The following PSMC3 variants were observed in gnomAD, a reference collection of about 807,000 sequenced individuals.
PSMC3 encodes proteasome 26S subunit, ATPase 3.
In PSMC3, 11 loss-of-function variants were observed where a neutral mutation model predicts 52.0. The ratio of observed to expected loss-of-function variants is 0.21; its 90% CI spans 0.13 to 0.35. The LOEUF (loss-of-function observed/expected upper bound fraction) is 0.35, where lower values mean the gene tolerates loss of function less well. Ranked by LOEUF, PSMC3 falls within the 10% of genes least tolerant of loss-of-function variation. PSMC3 has a pLI of 1.00. For missense variants in PSMC3, 238 were observed against 567.1 expected (o/e 0.42, Z 5.89); for synonymous variants, 201 against 218.8 (o/e 0.92, Z 0.72).
intron 6 of PSMC3, 68 bp downstream of exon 6, chr11:47,423,978 G>C: frequency 1.9e-6 from 3 of 1,605,048 alleles, no homozygotes; most frequent in Non-Finnish European, 2.6e-6. Flanking sequence ...AGGGAGATGA[G>C]CTGCATCAAT....
intron 2 of PSMC3, chr11:47,425,615 G>A: frequency 1.8e-6 from 1 of 548,798 alleles, no homozygotes; most frequent in East Asian, 2.9e-5. Context: ...TTCTTGAGAG[G>A]ATTATTCCCA....
At chr11:47,425,345 C>A in intron 2 of PSMC3, 99 bp from the exon 3 acceptor site, 1 of 1,405,594 alleles carries the variant, frequency 7.1e-7, no homozygotes, top group African/African-American at 1.4e-5. Context: ...GGGACCCTCC[C>A]GCATCCATTC....
chr11:47,424,215 G>C lies in PSMC3; in HGVS notation c.454-32C>G. 1.2e-6 allele frequency: 2 copies of C among 1,614,136 alleles called. No homozygotes were observed. The highest frequency in any genetic ancestry group is 3.3e-5 in the Admixed American group (2 of 60,024). ...ACACAGCACAGGGCCTTCAGATTTG[G>C]CCCAGCTCAAGGGCTACCCAACTGA... On this transcript the variant is annotated intron_variant, in intron 5 of 11. Transcript: ENST00000298852. This position sits in a 1 kb window ranked among gnomAD's most constrained non-coding sequence, Gnocchi z 4.8.
At chr11:47,420,470 C>G (rs2096039187) in intron 9 of PSMC3, 61 bp from the exon 10 acceptor site, 1 of 1,573,426 alleles carries the variant, frequency 6.4e-7, no homozygotes. Flanking sequence ...CAGACACGGT[C>G]AAAAAAGGCA....
Position 47,422,937 on chromosome 11 carries a change from C to T in PSMC3, c.628G>A (p.Glu210Lys). 6.2e-7 allele frequency: 1 copy of T among 1,613,658 alleles called. No homozygotes were observed. Among genetic ancestry groups the T allele is most frequent in the Non-Finnish European group, 8.5e-7 (1 of 1,179,774 alleles). ...EAIVLPMNHKEKFENLGIQPP... is the reference protein window; with the variant it reads ...EAIVLPMNHKKKFENLGIQPP... ...TGGATCCCCAAGTTCTCAAACTTCTCCTTGTGGTTCATTGGCAAGACAATG... is the reference window on the plus strand; with the variant it reads ...TGGATCCCCAAGTTCTCAAACTTCTTCTTGTGGTTCATTGGCAAGACAATG... The change falls in exon 7 of 12, where the codon GAG becomes AAG. Residue 210 changes from glutamate to lysine, a missense_variant. Glu to Lys is a moderately conservative substitution (Grantham distance 56). Coordinates refer to ENST00000298852, the MANE Select transcript of PSMC3 (RefSeq NM_002804.5). This position sits in a 1 kb window ranked among gnomAD's most constrained non-coding sequence, Gnocchi z 4.3.
chr11:47,421,016 G>GGGA (rs2096039800), intron 8 of PSMC3, among the ~76,000 whole-genome samples: 1 of 152,066 alleles, frequency 6.6e-6, no homozygotes, highest in Non-Finnish European at 1.5e-5. Flanking sequence ...AGGCCAAGGT[G>GGGA]GGCCTATCAC....
Position 47,425,264 on chromosome 11 carries a change from G to T in PSMC3, c.160-18C>A. ...TTCATGATCTGAGATCAGGAGGGGA[G>T]GAGAAGCAAATATAAACCCTGGCAC... On this transcript the variant is annotated intron_variant, in intron 2 of 11. Transcript: ENST00000298852. 6.2e-7 allele frequency: 1 copy of T among 1,613,824 alleles called. No homozygotes were observed. Among genetic ancestry groups the T allele is most frequent in the Admixed American group, 1.7e-5 (1 of 60,016 alleles).
chr11:47,423,449 C>G (rs1345368034), intron 6 of PSMC3, among the ~76,000 whole-genome samples: 1 of 151,556 alleles, frequency 6.6e-6, no homozygotes, highest in Non-Finnish European at 1.5e-5. Context: ...CCCACCCAGG[C>G]TGGCTATGGA....
Position 47,426,414 on chromosome 11 carries a change from C to T in PSMC3, c.-135G>A, listed in dbSNP as rs1004521447. The T allele has an allele frequency of 2.7e-5, 20 of 732,814 alleles. No individual in the cohort carries two copies. Among genetic ancestry groups the T allele is most frequent in the Admixed American group, 7.1e-5 (2 of 28,312 alleles). 45.4% of individuals were successfully genotyped at this position (732,814 alleles called of 1,614,324 possible). Reference sequence around the variant, plus strand: ...TCCCGACTCTTGACCCGACCAGCTCCGGCCGTGCTGCGGAGCAGCGAATCT... The same window carrying T: ...TCCCGACTCTTGACCCGACCAGCTCTGGCCGTGCTGCGGAGCAGCGAATCT... On this transcript the variant is annotated 5_prime_UTR_variant, in exon 1 of 12. Transcript: ENST00000298852.
At chr11:47,426,127 A>AGG in intron 1 of PSMC3, 78 bp downstream of exon 1, 1 of 1,495,064 alleles carries the variant, frequency 6.7e-7, no homozygotes, top group Non-Finnish European at 9.1e-7. Flanking sequence ...CTTGACCCCC[A>AGG]GCCACCTCCT....
In PSMC3 at chr11:47,424,001, C is replaced by T. The variant is rs750692785; in HGVS notation, c.591+45G>A. 4 of 1,613,736 alleles carry T rather than the reference C, an allele frequency of 2.5e-6. No individual in the cohort carries two copies. Among genetic ancestry groups the T allele is most frequent in the East Asian group, 2.2e-5 (1 of 44,878 alleles). On this transcript the variant is annotated intron_variant, in intron 6 of 11. Coordinates refer to ENST00000298852, the MANE Select transcript of PSMC3 (RefSeq NM_002804.5). This position sits in a 1 kb window ranked among gnomAD's most constrained non-coding sequence, Gnocchi z 4.8. Reference sequence around the variant, plus strand: ...GAGCTGCATCAATGGCGTGGAGAAACTAAAAGGCTGACAAGGCTGCTGGCA... The same window carrying T: ...GAGCTGCATCAATGGCGTGGAGAAATTAAAAGGCTGACAAGGCTGCTGGCA...
chr11:47,423,020 C>T, intron 6 of PSMC3, 47 bp from the exon 7 acceptor site: 1 of 1,553,534 alleles, frequency 6.4e-7, no homozygotes, highest in South Asian at 1.2e-5. Context: ...CTGAGGGCTT[C>T]TACAGCCCAA....
Position 47,424,497 on chromosome 11 carries a change from G to A in PSMC3, c.391-6C>T. On this transcript the variant is annotated splice_polypyrimidine_tract_variant and splice_region_variant and intron_variant, in intron 4 of 11. Coordinates refer to ENST00000298852, the MANE Select transcript of PSMC3 (RefSeq NM_002804.5). This position sits in a 1 kb window ranked among gnomAD's most constrained non-coding sequence, Gnocchi z 4.8. ...ATCACAGGAAGGAAGTACGTCTGTG[G>A]ACAAGTTACAGGGGCAGTCTCAGTT... 3 of 1,614,108 alleles carry A rather than the reference G, an allele frequency of 1.9e-6. No homozygotes were observed. The highest frequency in any genetic ancestry group is 2.5e-6 in the Non-Finnish European group (3 of 1,179,968).
chr11:47,426,388 A>C lies in PSMC3; in HGVS notation c.-109T>G. Reference sequence around the variant, plus strand: ...ACCAGTGGAAAACCTCTCCCCACAAATCCCGACTCTTGACCCGACCAGCTC... The same window carrying C: ...ACCAGTGGAAAACCTCTCCCCACAACTCCCGACTCTTGACCCGACCAGCTC... On this transcript the variant is annotated 5_prime_UTR_variant, in exon 1 of 12. Transcript: ENST00000298852. 3.9e-6 allele frequency: 4 copies of C among 1,028,040 alleles called. No individual in the cohort carries two copies. The highest frequency in any genetic ancestry group is 2.8e-5 in the Admixed American group (1 of 35,450). The allele number at this position is 1,028,040 out of a possible 1,614,324, so 63.7% of individuals were successfully genotyped here.
Position 47,418,964 on chromosome 11 carries a change from G to A in PSMC3, c.1210-19C>T, listed in dbSNP as rs374326380. 2.0e-5 allele frequency: 33 copies of A among 1,613,434 alleles called. No individual in the cohort carries two copies. The African/African-American group carries it at 4.4e-4, about 22-fold the overall frequency. On this transcript the variant is annotated intron_variant, in intron 11 of 11. Coordinates refer to ENST00000298852, the MANE Select transcript of PSMC3 (RefSeq NM_002804.5). ...TCATGCCCTACAGCCGGGACAAACAGAGTCTAGGTCTGAACGCCTGAATGC... is the reference window on the plus strand; with the variant it reads ...TCATGCCCTACAGCCGGGACAAACAAAGTCTAGGTCTGAACGCCTGAATGC...
Position 47,424,424 on chromosome 11 carries a change from C to A in PSMC3, c.453+5G>T. ...AAGCACTGCCTGGGCTCAGGCCCCACTCACCACCAGGTCTCCTGGCTTTAG... is the reference window on the plus strand; with the variant it reads ...AAGCACTGCCTGGGCTCAGGCCCCAATCACCACCAGGTCTCCTGGCTTTAG... On this transcript the variant is annotated splice_donor_5th_base_variant and intron_variant, in intron 5 of 11. Coordinates refer to ENST00000298852, the MANE Select transcript of PSMC3 (RefSeq NM_002804.5). The surrounding 1 kb of genome is among the most constrained non-coding windows in gnomAD (Gnocchi z 4.8). The A allele has an allele frequency of 6.2e-7, 1 of 1,614,084 alleles. No homozygotes were observed.
At position 47,425,260 on chromosome 11, in the gene PSMC3, G is replaced by A. The variant is rs755589260; in HGVS notation, c.160-14C>T. 4.3e-6 allele frequency: 7 copies of A among 1,613,850 alleles called. No individual in the cohort carries two copies. Among genetic ancestry groups the A allele is most frequent in the East Asian group, 2.2e-5 (1 of 44,868 alleles). On this transcript the variant is annotated splice_polypyrimidine_tract_variant and intron_variant, in intron 2 of 11. Coordinates refer to ENST00000298852, the MANE Select transcript of PSMC3 (RefSeq NM_002804.5). ...ACTCTTCATGATCTGAGATCAGGAG[G>A]GGAGGAGAAGCAAATATAAACCCTG...
At position 47,426,326 on chromosome 11, in the gene PSMC3, G is replaced by C; in HGVS notation, c.-47C>G. 1 of 1,473,986 alleles carries C rather than the reference G, an allele frequency of 6.8e-7. No homozygotes were observed. Among genetic ancestry groups the C allele is most frequent in the South Asian group, 1.2e-5 (1 of 80,928 alleles). The allele number at this position is 1,473,986 out of a possible 1,614,324, so 91.3% of individuals were successfully genotyped here. On this transcript the variant is annotated 5_prime_UTR_variant, in exon 1 of 12. Transcript: ENST00000298852. ...GATGGGACCAGGCGGGAGCCGCAAC[G>C]GGAGATTAATACCGTCTTTCTTAAA...
Position 47,426,402 on chromosome 11 carries a change from C to T in PSMC3, c.-123G>A. ...TCTCCCCACAAATCCCGACTCTTGA[C>T]CCGACCAGCTCCGGCCGTGCTGCGG... On this transcript the variant is annotated 5_prime_UTR_variant, in exon 1 of 12. Transcript: ENST00000298852. 1 of 888,158 alleles carries T rather than the reference C, an allele frequency of 1.1e-6. No homozygotes were observed. Among genetic ancestry groups the T allele is most frequent in the Non-Finnish European group, 1.7e-6 (1 of 601,566 alleles). 55.0% of individuals were successfully genotyped at this position (888,158 alleles called of 1,614,324 possible). A position where few individuals can be genotyped will look rare whatever the true frequency, so the allele number is the denominator to read the frequency against.
Sources: allele counts gnomAD v4.1 joint callset (sites outside exome capture counted in the v4.1 genomes callset), GRCh38; gene constraint gnomAD v4.1.1; non-coding constraint Gnocchi (gnomAD v3.1); transcripts MANE v1.5; gene names NCBI Gene and HGNC (gene_info 2026-07-23, HGNC 2026-07-21).